Variants in RECK observed in about 807,000 individuals in gnomAD.
The protein encoded by RECK is reversion-inducing cysteine-rich protein with Kazal motifs.
In RECK, 69 loss-of-function variants were observed where a neutral mutation model predicts 115.1. The observed-to-expected ratio is 0.60, with a 90% CI of 0.49 to 0.73. RECK has a LOEUF of 0.73. Ranked by LOEUF, RECK falls within the 30% of genes least tolerant of loss-of-function variation. The pLI, the probability that RECK is intolerant of heterozygous loss-of-function variation, is 0.00. For missense variants in RECK, 1,047 were observed against 1,203.7 expected (o/e 0.87, Z 1.93); for synonymous variants, 414 against 419.7 (o/e 0.99, Z 0.17).
intron 2 of RECK, among the ~76,000 whole-genome samples, chr9:36,055,679 C>A (rs530475455): frequency 5.0e-4 from 76 of 152,286 alleles, no homozygotes; most frequent in Admixed American, 1.2e-3. Context: ...CCCTTAGCCA[C>A]CAGGATATAA....
Position 36,102,076 on chromosome 9 carries a change from G to A in RECK, c.1299-18G>A, listed in dbSNP as rs567239204. 56 of 1,606,336 alleles carry A rather than the reference G, an allele frequency of 3.5e-5. No homozygotes were observed. The highest frequency in any genetic ancestry group is 3.8e-5 in the Non-Finnish European group (45 of 1,176,886). On this transcript the variant is annotated intron_variant, in intron 11 of 20. Transcript: ENST00000377966. ...GAGGTTCCTCAAGCTCTAAACTTAC[G>A]TGCATTTTTTTTTCAAGATCAGATT...
Position 36,100,379 on chromosome 9 carries a change from C to A in RECK, c.1134C>A (p.Ala378=). 6.2e-7 allele frequency: 1 copy of A among 1,614,094 alleles called. No individual in the cohort carries two copies. Among genetic ancestry groups the A allele is most frequent in the Non-Finnish European group, 8.5e-7 (1 of 1,180,016 alleles). The change falls in exon 11 of 21, where the codon GCC becomes GCA. Residue 378 remains alanine (A), a synonymous_variant. Coordinates refer to ENST00000377966, the MANE Select transcript of RECK (RefSeq NM_021111.3). ...RSCNAQSDQG[A]MNDMKLWEKG... is the part of the protein sequence containing the mutation. ...GTAATGCACAGTCAGATCAAGGAGC[C>A]ATGAATGACATGAAGTTGTGGGAGA...
chr9:36,036,935 C>T lies in RECK; in HGVS notation c.-64C>T. On this transcript the variant is annotated 5_prime_UTR_variant, in exon 1 of 21. Transcript: ENST00000377966. ...CTCGCGCGAGCGGCGGCGGTAGCGG[C>T]GGCAGCGGCTGCGGCCAAGCTGGGT... 3.7e-6 allele frequency: 4 copies of T among 1,095,476 alleles called. No homozygotes were observed. The highest frequency in any genetic ancestry group is 4.7e-6 in the Non-Finnish European group (4 of 849,614). The allele number at this position is 1,095,476 out of a possible 1,614,324, so 67.9% of individuals were successfully genotyped here.
At chr9:36,122,781 G>A (rs765830168) in intron 20 of RECK, 43 bp from the exon 21 acceptor site, 11 of 1,528,024 alleles carry the variant, frequency 7.2e-6, no homozygotes, top group Admixed American at 5.1e-5. Context: ...TGTTGAAAAC[G>A]TTCTGTGGTT....
chr9:36,045,926 C>T (rs1821057855), intron 1 of RECK, among the ~76,000 whole-genome samples: 1 of 152,040 alleles, frequency 6.6e-6, no homozygotes, highest in African/African-American at 2.4e-5. Context: ...CTAATACCTT[C>T]TTAAGCCCAA....
chr9:36,079,464 A>G (rs1822592708), intron 6 of RECK, among the ~76,000 whole-genome samples: 1 of 152,218 alleles, frequency 6.6e-6, no homozygotes, highest in African/African-American at 2.4e-5. Flanking sequence ...TATGAGGCCC[A>G]GGGTTTTCTG....
At position 36,109,958 on chromosome 9, in the gene RECK, T is replaced by A. The variant is rs957441951; in HGVS notation, c.1767T>A (p.Ser589Arg). 4.3e-6 allele frequency: 7 copies of A among 1,611,110 alleles called. No individual in the cohort carries two copies. In the African/African-American group the frequency reaches 9.3e-5, roughly 22 times the overall value. Residue 589 changes from serine (S) to arginine (R), a missense_variant and splice_region_variant, in exon 15 of 21, where the codon AGT (serine) becomes AGA (arginine). Physicochemically the swap from Ser to Arg is moderately radical, Grantham distance 110. Coordinates refer to ENST00000377966, the MANE Select transcript of RECK (RefSeq NM_021111.3). ...KSCIVGGKRKSHGTSFSIDCN... is the reference protein window; with the variant it reads ...KSCIVGGKRKRHGTSFSIDCN... ...ACATTTTCTTTCTGTTTCTGTCAGG[T>A]CATGGAACATCCTTTAGTATTGACT...
intron 18 of RECK, among the ~76,000 whole-genome samples, 171 bp from the exon 19 acceptor site, chr9:36,120,492 G>C (rs1390371590): frequency 6.6e-6 from 1 of 152,148 alleles, no homozygotes; most frequent in East Asian, 1.9e-4. Flanking sequence ...TTTGGTAAAT[G>C]TAGAGATGAG....
intron 13 of RECK, 116 bp from the exon 14 acceptor site, chr9:36,107,860 C>T (rs942360360): frequency 7.1e-6 from 5 of 699,690 alleles, no homozygotes; most frequent in Non-Finnish European, 1.2e-5. Context: ...AGTTCTATTA[C>T]ATAATCTTTA....
chr9:36,106,026 A>ACC (rs1823794423), intron 13 of RECK, among the ~76,000 whole-genome samples: 1 of 151,984 alleles, frequency 6.6e-6, no homozygotes, highest in Non-Finnish European at 1.5e-5. Flanking sequence ...ATCCTGGCTA[A>ACC]CATGGTGAAA....
chr9:36,077,906 G>T (rs528825695), intron 6 of RECK, among the ~76,000 whole-genome samples: 1 of 152,078 alleles, frequency 6.6e-6, no homozygotes, highest in African/African-American at 2.4e-5. Context: ...TGTGCTTAGC[G>T]TGAGGTAGCC....
intron 1 of RECK, among the ~76,000 whole-genome samples, chr9:36,037,363 G>T (rs1441180449): frequency 6.6e-6 from 1 of 151,810 alleles, no homozygotes; most frequent in Non-Finnish European, 1.5e-5. Context: ...CCCCTCTTCG[G>T]CACTGACCCC....
intron 6 of RECK, among the ~76,000 whole-genome samples, chr9:36,069,729 T>C (rs1301468072): frequency 2.0e-5 from 3 of 151,978 alleles, no homozygotes; most frequent in African/African-American, 7.2e-5. Context: ...ACTGGAGTAC[T>C]AGAAGAAAAA....
intron 1 of RECK, among the ~76,000 whole-genome samples, chr9:36,048,620 A>G (rs78461834): frequency 6.6e-6 from 1 of 152,292 alleles, no homozygotes; most frequent in Non-Finnish European, 1.5e-5. Context: ...CTGTTAATTT[A>G]TCGGTGTCCT....
At chr9:36,058,730 T>A in intron 2 of RECK, 97 bp from the exon 3 acceptor site, 1 of 497,796 alleles carries the variant, frequency 2.0e-6, no homozygotes, top group Non-Finnish European at 3.3e-6. Context: ...TTGGAAAATA[T>A]TCTAGACAAC....
intron 15 of RECK, among the ~76,000 whole-genome samples, chr9:36,110,676 A>G (rs1824006443): frequency 6.6e-6 from 1 of 152,160 alleles, no homozygotes; most frequent in South Asian, 2.1e-4. Flanking sequence ...GCTTTTTCCT[A>G]GATCTAAAAT....
Position 36,064,599 on chromosome 9 carries a change from T to C in RECK, c.357+719T>C, listed in dbSNP as rs1000893458. On this transcript the variant is annotated intron_variant, in intron 5 of 20. Transcript: ENST00000377966. Reference sequence around the variant, plus strand: ...TCAGATAAGAGTATATGAGATATGGTATCACCTTCACTTTCACAGAGACGA... The same window carrying C: ...TCAGATAAGAGTATATGAGATATGGCATCACCTTCACTTTCACAGAGACGA... Among the ~76,000 whole-genome samples, 3 of 152,346 alleles carry C rather than the reference T, an allele frequency of 2.0e-5. No individual in the cohort carries two copies. The East Asian group carries it at 5.8e-4, about 29-fold the overall frequency.
At chr9:36,083,233 A>G in intron 7 of RECK, 132 bp from the exon 8 acceptor site, 1 of 895,426 alleles carries the variant, frequency 1.1e-6, no homozygotes, top group Non-Finnish European at 1.7e-6. Flanking sequence ...TGCCGATTTT[A>G]AGTGTTCATC....
intron 10 of RECK, among the ~76,000 whole-genome samples, chr9:36,099,153 A>C (rs4878638): frequency 6.6e-6 from 1 of 151,666 alleles, no homozygotes; most frequent in East Asian, 1.9e-4. Context: ...CTGAGCCCAC[A>C]AGGTCGAGGC....
Sources: gnomAD v4.1 joint callset for allele counts (sites outside exome capture counted in the v4.1 genomes callset) on GRCh38, gnomAD v4.1.1 for gene constraint, MANE v1.5 for transcripts, NCBI Gene and HGNC (gene_info 2026-07-23, HGNC 2026-07-21) for gene names.